Variants in DCC observed in about 807,000 individuals in gnomAD.
DCC encodes the protein netrin receptor DCC.
A neutral mutation model predicts 172.5 loss-of-function variants in DCC; 58 were observed. That is an observed-to-expected ratio of 0.34 (90% CI 0.27 to 0.42). The LOEUF is 0.42. Among genes scored for constraint, DCC ranks in the 10% least tolerant of loss-of-function variants. The probability of loss-of-function intolerance (pLI) is 1.00; values close to 1 mark genes in which losing one functional copy is unlikely to be tolerated. For missense variants in DCC, 1,740 were observed against 1,791.0 expected (o/e 0.97, Z 0.51); for synonymous variants, 709 against 644.5 (o/e 1.10, Z -1.52).
intron 12 of DCC, among the ~76,000 whole-genome samples, chr18:53,226,948 ATTT>A (rs397976119): frequency 1.9e-5 from 1 of 52,954 alleles, no homozygotes. Context: ...ATATATATAT[ATTT>A]TTTTTTTTTT....
intron 5 of DCC, among the ~76,000 whole-genome samples, chr18:52,988,491 A>G (rs890094378): frequency 2.0e-5 from 3 of 151,710 alleles, no homozygotes; most frequent in Non-Finnish European, 4.4e-5. Flanking sequence ...AAAATGAGAG[A>G]CTCCTCTATT....
At chr18:53,009,066 G>A (rs907202441) in intron 5 of DCC, among the ~76,000 whole-genome samples, 3 of 151,848 alleles carry the variant, frequency 2.0e-5, no homozygotes, top group African/African-American at 4.8e-5. Context: ...TCCTCATGCC[G>A]CTCTGTGGAT....
At chr18:52,678,637 G>A (rs1273878973) in intron 1 of DCC, among the ~76,000 whole-genome samples, 1 of 152,138 alleles carries the variant, frequency 6.6e-6, no homozygotes, top group Admixed American at 6.6e-5. Flanking sequence ...AGGACGTTAG[G>A]AGAGAATCAT....
chr18:52,897,648 T>C (rs2039750177), intron 2 of DCC, among the ~76,000 whole-genome samples: 1 of 152,254 alleles, frequency 6.6e-6, no homozygotes, highest in African/African-American at 2.4e-5. Context: ...ATACTGTTTT[T>C]CTTTCCCTTT....
chr18:52,465,203 A>G (rs1975749), intron 1 of DCC, among the ~76,000 whole-genome samples: 150,341 of 152,194 alleles, frequency 0.99, 74,288 homozygotes, highest in Middle Eastern at 1. Flanking sequence ...GGGACCACCC[A>G]CCTAGTAAAG....
chr18:53,532,253 T>G lies in DCC; in HGVS notation c.*1600T>G, dbSNP rs577831103. On this transcript the variant is annotated 3_prime_UTR_variant, in exon 29 of 29. Coordinates refer to ENST00000442544, the MANE Select transcript of DCC (RefSeq NM_005215.4). Reference sequence around the variant, plus strand: ...GCTCCTTTTATTAGGTGGGTAATTATATATGAATCCCTGAATAAAATATTT... The same window carrying G: ...GCTCCTTTTATTAGGTGGGTAATTAGATATGAATCCCTGAATAAAATATTT... The G allele has an allele frequency of 6.6e-6, 1 of 152,332 alleles. No homozygotes were observed. The highest frequency in any genetic ancestry group is 2.4e-5 in the African/African-American group (1 of 41,590). 9.4% of individuals were successfully genotyped at this position (152,332 alleles called of 1,614,324 possible).
chr18:52,879,412 C>CTGTTTTTTTTTTTTTTTTTTTTTTT, intron 2 of DCC, among the ~76,000 whole-genome samples: 1 of 62,356 alleles, frequency 1.6e-5, no homozygotes. Context: ...TGTTGTTTGG[C>CTGTTTTTTTTTTTTTTTTTTTTTTT]TTTTTTTTTT....
chr18:52,656,174 C>A (rs1252965909), intron 1 of DCC, among the ~76,000 whole-genome samples: 1 of 150,612 alleles, frequency 6.6e-6, no homozygotes, highest in Non-Finnish European at 1.5e-5. Context: ...TTGTGTTCCA[C>A]CAAAATTCAT....
chr18:52,519,340 G>C (rs1360231018), intron 1 of DCC, among the ~76,000 whole-genome samples: 1 of 152,210 alleles, frequency 6.6e-6, no homozygotes, highest in East Asian at 1.9e-4. Context: ...AAGATCTGCA[G>C]TGCAGTGGGG....
intron 5 of DCC, among the ~76,000 whole-genome samples, chr18:52,928,691 G>GAGCCCATTAGATAAC (rs1260978946): frequency 6.6e-6 from 1 of 152,100 alleles, no homozygotes; most frequent in Non-Finnish European, 1.5e-5. Flanking sequence ...TACGTAGGTC[G>GAGCCCATTAGATAAC]AGCCCATTAG....
chr18:53,518,006 A>G (rs909967185), intron 27 of DCC, among the ~76,000 whole-genome samples: 5 of 152,166 alleles, frequency 3.3e-5, no homozygotes, highest in African/African-American at 9.7e-5. Flanking sequence ...TATTTCTCCC[A>G]TGCCCTCAAA....
At chr18:53,144,920 A>G (rs546821301) in intron 7 of DCC, among the ~76,000 whole-genome samples, 1 of 152,158 alleles carries the variant, frequency 6.6e-6, no homozygotes, top group South Asian at 2.1e-4. Context: ...AGGTCATATC[A>G]TCAAATTTTA....
intron 5 of DCC, among the ~76,000 whole-genome samples, chr18:53,057,380 A>T (rs576484985): frequency 2.6e-5 from 4 of 152,238 alleles, no homozygotes; most frequent in African/African-American, 9.6e-5. Context: ...TATGTATTAT[A>T]CCTTTCTAAA....
chr18:53,500,695 G>A (rs535336836), intron 27 of DCC, among the ~76,000 whole-genome samples: 21 of 151,734 alleles, frequency 1.4e-4, no homozygotes, highest in Non-Finnish European at 2.9e-4. Flanking sequence ...CACAGCCCCT[G>A]GGAGGTGGAG....
At chr18:52,639,560 A>G (rs1598977735) in intron 1 of DCC, among the ~76,000 whole-genome samples, 1 of 152,116 alleles carries the variant, frequency 6.6e-6, no homozygotes, top group African/African-American at 2.4e-5. Flanking sequence ...AAAACCTAAA[A>G]GAGATGGATA....
chr18:52,594,853 G>A (rs1313199771), intron 1 of DCC, among the ~76,000 whole-genome samples: 1 of 152,094 alleles, frequency 6.6e-6, no homozygotes, highest in African/African-American at 2.4e-5. Flanking sequence ...TGAGAGATCT[G>A]CCCCCATACC....
chr18:53,486,122 G>A (rs1233684792), intron 25 of DCC, among the ~76,000 whole-genome samples: 1 of 151,986 alleles, frequency 6.6e-6, no homozygotes, highest in East Asian at 1.9e-4. Context: ...TAATGAAATT[G>A]AACAATACTA....
intron 5 of DCC, among the ~76,000 whole-genome samples, chr18:53,052,170 G>A (rs2042342751): frequency 6.6e-6 from 1 of 151,600 alleles, no homozygotes; most frequent in South Asian, 2.1e-4. Flanking sequence ...ATGTTGTTTT[G>A]GTCCTTGATT....
chr18:53,170,814 C>G (rs566421287), intron 8 of DCC, among the ~76,000 whole-genome samples: 3 of 152,292 alleles, frequency 2.0e-5, no homozygotes, highest in South Asian at 4.1e-4. Flanking sequence ...AACAGCCCCC[C>G]TGACTTACCT....
Sources: allele counts gnomAD v4.1 joint callset (sites outside exome capture counted in the v4.1 genomes callset), GRCh38; gene constraint gnomAD v4.1.1; transcripts MANE v1.5; gene names NCBI Gene and HGNC (gene_info 2026-07-23, HGNC 2026-07-21).